TNFAIP8L3: variants seen among roughly 807,000 people sequenced by gnomAD.
TNFAIP8L3 encodes tumor necrosis factor alpha-induced protein 8-like protein 3.
TNFAIP8L3 carries 7 observed loss-of-function variants against 11.8 expected under a neutral mutation model. The observed-to-expected ratio is 0.59, with a 90% CI of 0.34 to 1.11. The LOEUF (loss-of-function observed/expected upper bound fraction) is 1.11. Among genes scored for constraint, TNFAIP8L3 ranks in the 50% most tolerant of loss-of-function variants. TNFAIP8L3 has a pLI of 0.03. For synonymous variants in TNFAIP8L3, 98 were observed against 103.8 expected, an observed-to-expected ratio of 0.94 and a Z score of 0.34; for missense variants, 219 against 258.6, an observed-to-expected ratio of 0.85 and a Z score of 1.05.
intron 1 of TNFAIP8L3, among the ~76,000 whole-genome samples, chr15:51,080,756 C>T (rs768225859): frequency 3.9e-5 from 6 of 152,248 alleles, no homozygotes; most frequent in Non-Finnish European, 8.8e-5. Context: ...AATGGAAACA[C>T]AAAAACAGGT....
At chr15:51,063,417 C>T (rs1031635516) in intron 1 of TNFAIP8L3, among the ~76,000 whole-genome samples, 1 of 152,162 alleles carries the variant, frequency 6.6e-6, no homozygotes, top group African/African-American at 2.4e-5. Context: ...TCCTGAACTA[C>T]TAGCGATGTA....
chr15:51,089,426 T>TGG (rs1469372801), intron 1 of TNFAIP8L3, among the ~76,000 whole-genome samples: 2 of 152,202 alleles, frequency 1.3e-5, no homozygotes, highest in Non-Finnish European at 2.9e-5. Context: ...TATGTGGTTG[T>TGG]GGATATGATG....
At chr15:51,074,702 G>C (rs1459321101) in intron 1 of TNFAIP8L3, among the ~76,000 whole-genome samples, 1 of 152,204 alleles carries the variant, frequency 6.6e-6, no homozygotes, top group Non-Finnish European at 1.5e-5. Context: ...AGTACCAGAA[G>C]TCAAGCCAGC....
chr15:51,058,821 A>G (rs1353444691), intron 1 of TNFAIP8L3, among the ~76,000 whole-genome samples: 2 of 152,230 alleles, frequency 1.3e-5, no homozygotes, highest in African/African-American at 4.8e-5. Context: ...TTTGCAAACT[A>G]TACAGGAGCA....
intron 1 of TNFAIP8L3, among the ~76,000 whole-genome samples, chr15:51,077,170 C>A (rs2065358163): frequency 6.6e-6 from 1 of 152,256 alleles, no homozygotes; most frequent in Non-Finnish European, 1.5e-5. Context: ...TAGACCTCAG[C>A]CTCCTCTGTC....
intron 1 of TNFAIP8L3, among the ~76,000 whole-genome samples, chr15:51,073,551 T>A (rs1465544177): frequency 6.6e-6 from 1 of 152,262 alleles, no homozygotes; most frequent in Non-Finnish European, 1.5e-5. Flanking sequence ...TTATCTCCAA[T>A]TGAGACATTT....
At chr15:51,074,808 C>T (rs2065338473) in intron 1 of TNFAIP8L3, among the ~76,000 whole-genome samples, 1 of 152,196 alleles carries the variant, frequency 6.6e-6, no homozygotes, top group African/African-American at 2.4e-5. Context: ...AGAGGCACAG[C>T]TGACAGGTTG....
intron 1 of TNFAIP8L3, among the ~76,000 whole-genome samples, chr15:51,068,344 G>A (rs1278291450): frequency 6.6e-6 from 1 of 152,092 alleles, no homozygotes; most frequent in Non-Finnish European, 1.5e-5. Flanking sequence ...GTACCCATGG[G>A]GCATCTGGGT....
chr15:51,062,771 T>G (rs2065249026), intron 1 of TNFAIP8L3, among the ~76,000 whole-genome samples: 1 of 152,230 alleles, frequency 6.6e-6, no homozygotes, highest in African/African-American at 2.4e-5. Context: ...TAAGGTGTTC[T>G]ATCAATTCCC....
Position 51,056,696 on chromosome 15 carries a change from T to G in TNFAIP8L3, c.*1185A>C, listed in dbSNP as rs1359706853. The G allele has an allele frequency of 1.3e-5, 2 of 152,072 alleles. No homozygotes were observed. The highest frequency in any genetic ancestry group is 2.9e-5 in the Non-Finnish European group (2 of 68,012). 9.4% of individuals were successfully genotyped at this position (152,072 alleles called of 1,614,324 possible). Reference sequence around the variant, plus strand: ...ATGGGTAGGGGTTCATTCTGCCTGATTCTCCCGTGCATATGGAATAAAGCC... The same window carrying G: ...ATGGGTAGGGGTTCATTCTGCCTGAGTCTCCCGTGCATATGGAATAAAGCC... On this transcript the variant is annotated 3_prime_UTR_variant, in exon 2 of 2. Transcript: ENST00000637513.
In TNFAIP8L3 at chr15:51,058,447, T is replaced by C. The variant is rs541462333; in HGVS notation, c.53-4A>G. On this transcript the variant is annotated splice_polypyrimidine_tract_variant and splice_region_variant and intron_variant, in intron 1 of 1. Transcript: ENST00000637513. ...TTTGAACTAAAAACATCAGGACCTATGGTAAAAAAAATATATATAAAAGTT... is the reference window on the plus strand; with the variant it reads ...TTTGAACTAAAAACATCAGGACCTACGGTAAAAAAAATATATATAAAAGTT... 6.0e-5 allele frequency: 83 copies of C among 1,384,938 alleles called. No homozygotes were observed. In the Middle Eastern group the frequency reaches 3.9e-3, roughly 65 times the overall value. The allele number at this position is 1,384,938 out of a possible 1,614,324, so 85.8% of individuals were successfully genotyped here.
At chr15:51,066,395 C>T (rs1434980758) in intron 1 of TNFAIP8L3, among the ~76,000 whole-genome samples, 3 of 152,138 alleles carry the variant, frequency 2.0e-5, no homozygotes, top group Non-Finnish European at 1.5e-5. Flanking sequence ...AACTCCTGAC[C>T]TCGTGATCCA....
intron 1 of TNFAIP8L3, among the ~76,000 whole-genome samples, chr15:51,074,015 A>C (rs1197547572): frequency 6.6e-6 from 1 of 152,216 alleles, no homozygotes; most frequent in East Asian, 1.9e-4. Context: ...GATAAGCCCT[A>C]CTTGGTCAAT....
intron 1 of TNFAIP8L3, among the ~76,000 whole-genome samples, chr15:51,077,877 C>G (rs1293181649): frequency 1.3e-5 from 2 of 152,190 alleles, no homozygotes; most frequent in Non-Finnish European, 2.9e-5. Flanking sequence ...AGCAGGACCA[C>G]TTATTTTTTT....
At chr15:51,098,370 C>G (rs965816739), upstream of TNFAIP8L3, among the ~76,000 whole-genome samples, 1 of 152,162 alleles carries the variant, frequency 6.6e-6, no homozygotes, top group Non-Finnish European at 1.5e-5. Flanking sequence ...GCTGAAGTGG[C>G]CTTTGGTCCT....
chr15:51,065,344 A>T (rs1201193344), intron 1 of TNFAIP8L3, among the ~76,000 whole-genome samples: 1 of 152,206 alleles, frequency 6.6e-6, no homozygotes, highest in Non-Finnish European at 1.5e-5. Context: ...ACTTCACTGC[A>T]TGGAAAAGTG....
At chr15:51,087,919 TTA>T (rs6145560) in intron 1 of TNFAIP8L3, among the ~76,000 whole-genome samples, 35,331 of 101,542 alleles carry the variant, frequency 0.35, 8,085 homozygotes, top group East Asian at 0.41. Flanking sequence ...TAGCATACCT[TTA>T]TATATATATA....
chr15:51,085,142 G>A (rs1291379227), intron 1 of TNFAIP8L3, among the ~76,000 whole-genome samples: 1 of 151,862 alleles, frequency 6.6e-6, no homozygotes, highest in African/African-American at 2.4e-5. Flanking sequence ...AAATCCTAAA[G>A]GTAGAGAGAC....
Position 51,060,918 on chromosome 15 carries a change from T to C in TNFAIP8L3, c.53-2475A>G, listed in dbSNP as rs919645073. Among the ~76,000 whole-genome samples the C allele has an allele frequency of 2.0e-5, 3 of 152,162 alleles. No individual in the cohort carries two copies. In the East Asian group the frequency reaches 5.8e-4, roughly 29 times the overall value. On this transcript the variant is annotated intron_variant, in intron 1 of 1. Transcript: ENST00000637513. ...TGGGAGGCTGAGGCGGGTGGATCAGTTGAGGTCAGGAGTTTGAGACCACCC... is the reference window on the plus strand; with the variant it reads ...TGGGAGGCTGAGGCGGGTGGATCAGCTGAGGTCAGGAGTTTGAGACCACCC...
Sources: gnomAD v4.1 joint callset for allele counts (sites outside exome capture counted in the v4.1 genomes callset) on GRCh38, gnomAD v4.1.1 for gene constraint, MANE v1.5 for transcripts, NCBI Gene and HGNC (gene_info 2026-07-23, HGNC 2026-07-21) for gene names.